Variants in AQR observed in about 807,000 individuals in gnomAD.
AQR encodes the protein RNA helicase aquarius.
Under a neutral mutation model 180.5 loss-of-function variants are expected in AQR, and 61 were observed. The observed-to-expected ratio is 0.34, with a 90% CI of 0.28 to 0.42. The LOEUF (loss-of-function observed/expected upper bound fraction) is 0.42, where lower values mean the gene tolerates loss of function less well. Ranked by LOEUF, AQR falls within the 10% of genes least tolerant of loss-of-function variation. AQR has a pLI of 1.00. For synonymous variants in AQR, 551 were observed against 588.8 expected (o/e 0.94, Z 0.93); for missense variants, 1,281 against 1,798.3 (o/e 0.71, Z 5.20).
At position 34,969,564 on chromosome 15, in the gene AQR, TG is replaced by T. The variant is rs1566794631; in HGVS notation, c.49del (p.Gln17LysfsTer7). 1 of 1,613,774 alleles carries T rather than the reference TG, an allele frequency of 6.2e-7. No individual in the cohort carries two copies. Among genetic ancestry groups the T allele is most frequent in the Non-Finnish European group, 8.5e-7 (1 of 1,180,000 alleles). On this transcript the variant is annotated frameshift_variant, in exon 1 of 35. Transcript: ENST00000156471. LOFTEE classifies it high-confidence loss of function. ...CTGGGTCACGAACTCCGCATTGATT[TG>T]GGACACCGTAGGGGCCACGATCTTC... Reference protein sequence around the residue: ...PKKIVAPTVSQINAEFVTQLA... With the variant: ...PKKIVAPTVSXINAEFVTQLA...
intron 2 of AQR, among the ~76,000 whole-genome samples, chr15:34,962,945 T>C (rs1393285269): frequency 6.6e-6 from 1 of 152,142 alleles, no homozygotes; most frequent in African/African-American, 2.4e-5. Flanking sequence ...ACTTGTTGAA[T>C]GGTATGCAGT....
Position 34,852,175 on chromosome 15 carries a change from T to G in AQR, c.*4617A>C, listed in dbSNP as rs990305602. 1 of 109,886 alleles carries G rather than the reference T, an allele frequency of 9.1e-6. No individual in the cohort carries two copies. Among genetic ancestry groups the G allele is most frequent in the Non-Finnish European group, 1.8e-5 (1 of 56,006 alleles). 6.8% of individuals were successfully genotyped at this position (109,886 alleles called of 1,614,324 possible). A position where few individuals can be genotyped will look rare whatever the true frequency, so the allele number is the denominator to read the frequency against. On this transcript the variant is annotated 3_prime_UTR_variant, in exon 35 of 35. Coordinates refer to ENST00000156471, the MANE Select transcript of AQR (RefSeq NM_014691.3). Reference sequence around the variant, plus strand: ...CAAGGAAATAGCTACCTAAGTTATGTTTTTTTTTTTTTTTTGAAGGAGTTT... The same window carrying G: ...CAAGGAAATAGCTACCTAAGTTATGGTTTTTTTTTTTTTTTGAAGGAGTTT...
At chr15:34,877,944 G>A (rs1469721515) in intron 27 of AQR, among the ~76,000 whole-genome samples, 1 of 152,182 alleles carries the variant, frequency 6.6e-6, no homozygotes, top group Admixed American at 6.5e-5. Context: ...ATGGATTATA[G>A]CTGCTAGGAT....
At chr15:34,950,994 A>T (rs977723436) in intron 4 of AQR, among the ~76,000 whole-genome samples, 7 of 152,216 alleles carry the variant, frequency 4.6e-5, no homozygotes, top group African/African-American at 1.4e-4. Context: ...AAACTGAGGT[A>T]ATGAGAGTCA....
chr15:34,965,004 A>T (rs2050303033), intron 1 of AQR, among the ~76,000 whole-genome samples: 1 of 152,142 alleles, frequency 6.6e-6, no homozygotes, highest in Non-Finnish European at 1.5e-5. Flanking sequence ...AAAGGTGACT[A>T]CTCTGCAGTG....
At chr15:34,858,139 A>G (rs1303468166) in intron 34 of AQR, among the ~76,000 whole-genome samples, 1 of 151,872 alleles carries the variant, frequency 6.6e-6, no homozygotes, top group Non-Finnish European at 1.5e-5. Context: ...ATGTACCACC[A>G]TGCCTGGCTA....
At chr15:34,940,538 TAAAAA>T (rs112627762) in intron 8 of AQR, among the ~76,000 whole-genome samples, 1 of 150,768 alleles carries the variant, frequency 6.6e-6, no homozygotes, top group Non-Finnish European at 1.5e-5. Context: ...CTCAAAAAAA[TAAAAA>T]AAGAGTGAAG....
In AQR at chr15:34,873,973, T is replaced by C. The variant is rs1892858162; in HGVS notation, c.3452A>G (p.Tyr1151Cys). ...ASLCNLYNWR[Y>C]KNLGNLPHVQ... Reference sequence around the variant, plus strand: ...ATGGGGTAAGTTTCCTAGATTCTTGTATCGCCAGTTGTAGAGGTTGCACAA... The same window carrying C: ...ATGGGGTAAGTTTCCTAGATTCTTGCATCGCCAGTTGTAGAGGTTGCACAA... The change falls in exon 30 of 35, where the codon TAC becomes TGC. Residue 1151 changes from tyrosine (Y) to cysteine (C), a missense_variant. Tyr to Cys is a radical substitution (Grantham distance 194, BLOSUM62 -2). This residue lies in a region of AQR where 197 missense variants were observed against 320.7 expected (regional missense o/e 0.61). Coordinates refer to ENST00000156471, the MANE Select transcript of AQR (RefSeq NM_014691.3). 3 of 1,609,568 alleles carry C rather than the reference T, an allele frequency of 1.9e-6. No homozygotes were observed. The highest frequency in any genetic ancestry group is 2.7e-5 in the African/African-American group (2 of 74,782).
intron 6 of AQR, among the ~76,000 whole-genome samples, chr15:34,943,909 A>G (rs763035370): frequency 6.6e-6 from 1 of 152,220 alleles, no homozygotes; most frequent in East Asian, 1.9e-4. Context: ...CAATGAAACT[A>G]CATTCCTGTA....
chr15:34,919,412 T>C (rs1160524102), intron 14 of AQR, among the ~76,000 whole-genome samples: 2 of 152,082 alleles, frequency 1.3e-5, no homozygotes, highest in Non-Finnish European at 2.9e-5. Flanking sequence ...AATTGAATAG[T>C]AGAAGAATCC....
intron 9 of AQR, among the ~76,000 whole-genome samples, chr15:34,936,388 C>G (rs1893944663): frequency 6.6e-6 from 1 of 152,186 alleles, no homozygotes; most frequent in African/African-American, 2.4e-5. Flanking sequence ...TGCCAGCAAG[C>G]TGACAAATTT....
At chr15:34,871,939 A>G (rs1273728840) in intron 30 of AQR, among the ~76,000 whole-genome samples, 1 of 151,644 alleles carries the variant, frequency 6.6e-6, no homozygotes, top group Non-Finnish European at 1.5e-5. Context: ...GTAAAATAAG[A>G]ATATAAACAC....
In AQR at chr15:34,875,938, T is replaced by C. The variant is rs1427117076; in HGVS notation, c.3234A>G (p.Leu1078=). ...LEIETFIPLL[L]QNPQDGFSRL... is the part of the protein sequence containing the mutation. ...CCTCAGATCTTATATTTCTTACCTGTAGAAGAAGAGGGATAAAAGTTTCTA... is the reference window on the plus strand; with the variant it reads ...CCTCAGATCTTATATTTCTTACCTGCAGAAGAAGAGGGATAAAAGTTTCTA... The change falls in exon 28 of 35, where the codon CTA becomes CTG. Residue 1078 remains leucine (L), a synonymous_variant. Coordinates refer to ENST00000156471, the MANE Select transcript of AQR (RefSeq NM_014691.3). 6.2e-7 allele frequency: 1 copy of C among 1,605,564 alleles called. No individual in the cohort carries two copies. The highest frequency in any genetic ancestry group is 8.5e-7 in the Non-Finnish European group (1 of 1,172,856).
intron 4 of AQR, among the ~76,000 whole-genome samples, chr15:34,950,705 T>C (rs527881719): frequency 1.3e-5 from 2 of 152,282 alleles, no homozygotes; most frequent in Admixed American, 6.5e-5. Context: ...GGGGAAATAT[T>C]TGTTCTCTGC....
At chr15:34,871,572 T>C (rs1391831390) in intron 30 of AQR, among the ~76,000 whole-genome samples, 2 of 150,366 alleles carry the variant, frequency 1.3e-5, no homozygotes, top group African/African-American at 4.9e-5. Flanking sequence ...CACAAAACTA[T>C]AAAGGAACAA....
intron 3 of AQR, among the ~76,000 whole-genome samples, chr15:34,958,921 CCA>C (rs1319255843): frequency 3.3e-5 from 5 of 152,196 alleles, no homozygotes; most frequent in Admixed American, 1.3e-4. Context: ...TATCCTCTAA[CCA>C]CACTTTAATT....
At chr15:34,926,884 G>C (rs1214980293) in intron 13 of AQR, 151 bp downstream of exon 13, 1 of 406,636 alleles carries the variant, frequency 2.5e-6, no homozygotes, top group Non-Finnish European at 4.4e-6. Context: ...CAAACTGCTG[G>C]AGAGAAGCAC....
rs571811936 is a variant in AQR, at chr15:34,899,011, C to CA, written c.2244-1307dup. 8.7e-4 allele frequency among the ~76,000 whole-genome samples: 110 copies of CA among 126,084 alleles called. 6 individuals carry two copies. Among genetic ancestry groups the CA allele is most frequent in the South Asian group, 1.5e-3 (6 of 3,890 alleles). 82.7% of individuals were successfully genotyped at this position (126,084 alleles called of 152,430 possible). On this transcript the variant is annotated intron_variant, in intron 20 of 34. Coordinates refer to ENST00000156471, the MANE Select transcript of AQR (RefSeq NM_014691.3). ...TGAAACCCTGTCTCTACCAAAAATA[C>CA]AAAAAAAAAATTGCCAGGCGTGGTG...
chr15:34,968,316 G>A (rs1237994175), intron 1 of AQR, among the ~76,000 whole-genome samples: 6 of 150,760 alleles, frequency 4.0e-5, no homozygotes, highest in African/African-American at 9.8e-5. Flanking sequence ...GCAGTGGCGC[G>A]ATCTCGGCTC....
Sources: allele counts gnomAD v4.1 joint callset (sites outside exome capture counted in the v4.1 genomes callset), GRCh38; gene constraint gnomAD v4.1.1; regional missense constraint gnomAD v4.1.1; transcripts MANE v1.5; gene names NCBI Gene and HGNC (gene_info 2026-07-23, HGNC 2026-07-21).